STK3: variants seen among roughly 807,000 people sequenced by gnomAD.
STK3 encodes serine/threonine-protein kinase 3.
In STK3, 41 loss-of-function variants were observed where a neutral mutation model predicts 58.0. The ratio of observed to expected loss-of-function variants is 0.71; its 90% CI spans 0.55 to 0.92. STK3 has a LOEUF of 0.92. Among genes scored for constraint, STK3 ranks in the 40% least tolerant of loss-of-function variants. The pLI is 0.00. For synonymous variants in STK3, 170 were observed against 191.0 expected (o/e 0.89, Z 0.91); for missense variants, 479 against 602.7 (o/e 0.79, Z 2.15).
chr8:98,348,677 T>A, the STK3 span, among the ~76,000 whole-genome samples: 8 of 152,262 alleles, frequency 5.3e-5, no homozygotes, highest in Non-Finnish European at 8.8e-5. Flanking sequence ...TTCAACATTA[T>A]ATGTCATTAG....
chr8:98,386,623 A>C (rs1384690254), intron 1 of STK3, among the ~76,000 whole-genome samples: 1 of 152,212 alleles, frequency 6.6e-6, no homozygotes, highest in Admixed American at 6.5e-5. Flanking sequence ...TAAAACAGAA[A>C]AGCCAGGGAT....
intron 6 of STK3, among the ~76,000 whole-genome samples, chr8:98,636,357 T>A (rs1819619352): frequency 6.6e-6 from 1 of 152,162 alleles, no homozygotes; most frequent in Non-Finnish European, 1.5e-5. Flanking sequence ...TTTTTCTAAG[T>A]ACTAATGTAA....
At chr8:98,876,632 G>A (rs1837568409) in intron 3 of STK3, among the ~76,000 whole-genome samples, 4 of 152,156 alleles carry the variant, frequency 2.6e-5, no homozygotes. Context: ...CTCCTGCCCA[G>A]GTCTAGAGGA....
chr8:98,712,347 T>C (rs1206241269), intron 4 of STK3, among the ~76,000 whole-genome samples: 2 of 152,088 alleles, frequency 1.3e-5, no homozygotes, highest in East Asian at 1.9e-4. Context: ...CAAAATTGGA[T>C]ACAGAGTCAA....
chr8:98,648,795 G>C lies in STK3; in HGVS notation c.685-52626C>G, dbSNP rs79740509. On this transcript the variant is annotated intron_variant, in intron 6 of 10. Coordinates refer to ENST00000419617, the MANE Select transcript of STK3 (RefSeq NM_006281.4). Reference sequence around the variant, plus strand: ...TAGTCCCAGCTACTCGGGAGGCTGAGGCAGGAGAATCACTTGAACCTGGAG... The same window carrying C: ...TAGTCCCAGCTACTCGGGAGGCTGACGCAGGAGAATCACTTGAACCTGGAG... 1.1e-4 allele frequency among the ~76,000 whole-genome samples: 16 copies of C among 152,132 alleles called. No homozygotes were observed. The East Asian group carries it at 2.7e-3, about 26-fold the overall frequency.
intron 3 of STK3, among the ~76,000 whole-genome samples, chr8:98,842,678 A>AAAAAC (rs1282816019): frequency 6.6e-6 from 1 of 152,108 alleles, no homozygotes; most frequent in African/African-American, 2.4e-5. Context: ...ATCCTGTCTC[A>AAAAAC]AAAACAAAAC....
At chr8:98,369,056 G>A (rs775360303), downstream of STK3, among the ~76,000 whole-genome samples, 13 of 152,180 alleles carry the variant, frequency 8.5e-5, no homozygotes, top group Admixed American at 2.6e-4. Context: ...CTGCTCCCTT[G>A]ATTGCCAAAT....
chr8:98,647,534 T>C (rs777259751), intron 6 of STK3, among the ~76,000 whole-genome samples: 13 of 152,252 alleles, frequency 8.5e-5, no homozygotes, highest in South Asian at 6.2e-4. Flanking sequence ...ATACAATAAA[T>C]ATATAGTATG....
intron 1 of STK3, among the ~76,000 whole-genome samples, chr8:98,923,828 C>CGTGTGTGTGTGTGTGTGT (rs55929161): frequency 1.2e-4 from 17 of 144,296 alleles, no homozygotes; most frequent in African/African-American, 4.4e-4. Context: ...TTTGCAAAAA[C>CGTGTGTGTGTGTGTGTGT]GTGTGTGTGT....
At chr8:98,940,699 G>C (rs1840383507) in intron 1 of STK3, among the ~76,000 whole-genome samples, 1 of 152,218 alleles carries the variant, frequency 6.6e-6, no homozygotes, top group East Asian at 1.9e-4. Context: ...CCCGGCCTTG[G>C]AATCTGCGCC....
At position 98,424,444 on chromosome 8, in the gene STK3, G is replaced by A. The variant is rs374252334; in HGVS notation, n.483+9683C>T. Among the ~76,000 whole-genome samples, 93 of 152,292 alleles carry A rather than the reference G, an allele frequency of 6.1e-4. 2 individuals carry two copies. The South Asian group carries it at 0.018, about 29-fold the overall frequency. Reference sequence around the variant, plus strand: ...GAGAGAGGGAGGAAGGTAGGAGGTCGGGTTGTTGGCAAGAGCAGGGGCAGA... The same window carrying A: ...GAGAGAGGGAGGAAGGTAGGAGGTCAGGTTGTTGGCAAGAGCAGGGGCAGA... On this transcript the variant is annotated intron_variant and non_coding_transcript_variant, in intron 3 of 3. Coordinates refer to the STK3 transcript ENST00000517832.
intron 3 of STK3, among the ~76,000 whole-genome samples, chr8:98,402,224 G>A (rs1405176648): frequency 6.6e-6 from 1 of 152,048 alleles, no homozygotes; most frequent in Non-Finnish European, 1.5e-5. Flanking sequence ...GTCAGAGCAG[G>A]GACCTGAACC....
intron 3 of STK3, chr8:98,426,973 C>G (rs1818242912): frequency 6.6e-6 from 1 of 150,756 alleles, no homozygotes; most frequent in Non-Finnish European, 1.5e-5. Context: ...GCGCCGCGCC[C>G]CGCGCAGGGC....
At chr8:98,464,551 AAAAAAAAAAAAAAG>A (rs1460719000) in intron 10 of STK3, among the ~76,000 whole-genome samples, 3 of 149,698 alleles carry the variant, frequency 2.0e-5, no homozygotes, top group African/African-American at 7.3e-5. Context: ...AAAAAAAAAA[AAAAAAAAAAAAAAG>A]AAAGAAAGAA....
At chr8:98,696,031 T>C (rs1824885619) in intron 6 of STK3, among the ~76,000 whole-genome samples, 3 of 152,108 alleles carry the variant, frequency 2.0e-5, no homozygotes, top group Admixed American at 2.0e-4. Context: ...GTATCCTCTT[T>C]TATTTCATTG....
intron 3 of STK3, among the ~76,000 whole-genome samples, chr8:98,433,749 C>T (rs1459594452): frequency 6.6e-6 from 1 of 152,204 alleles, no homozygotes; most frequent in Non-Finnish European, 1.5e-5. Context: ...TACAAACAAC[C>T]TTCTATTTGG....
chr8:98,678,513 C>A (rs1823389325), intron 6 of STK3, among the ~76,000 whole-genome samples: 1 of 151,864 alleles, frequency 6.6e-6, no homozygotes, highest in Non-Finnish European at 1.5e-5. Flanking sequence ...TCGCCTTAAA[C>A]AAAGAAACCA....
chr8:98,932,890 A>C (rs996426774), intron 1 of STK3, among the ~76,000 whole-genome samples: 1 of 152,194 alleles, frequency 6.6e-6, no homozygotes, highest in Non-Finnish European at 1.5e-5. Context: ...TTCAATCTAG[A>C]CTGTTACCTG....
chr8:98,447,234 A>G (rs1485268976), intron 1 of STK3, among the ~76,000 whole-genome samples: 3 of 152,042 alleles, frequency 2.0e-5, no homozygotes, highest in Non-Finnish European at 4.4e-5. Flanking sequence ...GTGTCCCCAA[A>G]CCTAAAATAG....
Sources: gnomAD v4.1 joint callset for allele counts (sites outside exome capture counted in the v4.1 genomes callset) on GRCh38, gnomAD v4.1.1 for gene constraint, MANE v1.5 for transcripts, NCBI Gene and HGNC (gene_info 2026-07-23, HGNC 2026-07-21) for gene names.